PXT1: variants seen among roughly 807,000 people sequenced by gnomAD.
PXT1 encodes the protein peroxisomal testis enriched protein 1.
A neutral mutation model predicts 11.0 loss-of-function variants in PXT1; 11 were observed. The observed-to-expected ratio is 1.00, with a 90% CI of 0.63 to 1.66. PXT1 has a LOEUF of 1.66. PXT1 is among the 40% of genes most tolerant of loss of function. The pLI, the probability that PXT1 is intolerant of heterozygous loss-of-function variation, is 0.00. For synonymous variants in PXT1, 43 were observed against 51.4 expected, an observed-to-expected ratio of 0.84 and a Z score of 0.70; for missense variants, 141 against 155.5, an observed-to-expected ratio of 0.91 and a Z score of 0.49.
intron 3 of PXT1, among the ~76,000 whole-genome samples, chr6:36,420,056 T>C (rs1410073377): frequency 1.3e-5 from 2 of 152,234 alleles, no homozygotes; most frequent in Non-Finnish European, 2.9e-5. Flanking sequence ...AGAAAATCTA[T>C]TTTTTAAGCA....
chr6:36,423,074 T>G (rs886504101), intron 3 of PXT1, among the ~76,000 whole-genome samples: 1 of 152,208 alleles, frequency 6.6e-6, no homozygotes, highest in African/African-American at 2.4e-5. Flanking sequence ...AATTATGTAT[T>G]TTCCCCCGAA....
At chr6:36,439,455 T>TA (rs903442918) in intron 1 of PXT1, among the ~76,000 whole-genome samples, 18 of 150,464 alleles carry the variant, frequency 1.2e-4, no homozygotes, top group African/African-American at 4.2e-4. Context: ...CTACTAAAAA[T>TA]AAAAAAAATT....
At chr6:36,420,574 T>C (rs1340907506) in intron 3 of PXT1, among the ~76,000 whole-genome samples, 2 of 152,132 alleles carry the variant, frequency 1.3e-5, no homozygotes, top group Non-Finnish European at 2.9e-5. Context: ...GAGTGAGAAC[T>C]GAGCAGATGG....
chr6:36,430,896 C>T (rs1261110132), intron 2 of PXT1, among the ~76,000 whole-genome samples: 1 of 152,144 alleles, frequency 6.6e-6, no homozygotes, highest in Non-Finnish European at 1.5e-5. Flanking sequence ...CTCACTGCAA[C>T]TTCCACCTCC....
chr6:36,427,994 G>T lies in PXT1; in HGVS notation c.-9-1903C>A, dbSNP rs141852252. On this transcript the variant is annotated intron_variant, in intron 2 of 4. Coordinates refer to ENST00000454782, the MANE Select transcript of PXT1 (RefSeq NM_152990.4). ...GGGGGATAGGGAGCTGAGAAATGAG[G>T]TGTTGTGGGTTTCTGGGCATTTTTA... Among the ~76,000 whole-genome samples the T allele has an allele frequency of 3.5e-3, 533 of 152,300 alleles. 1 individual carries two copies. Among genetic ancestry groups the T allele is most frequent in the African/African-American group, 0.012 (507 of 41,560 alleles).
intron 4 of PXT1, among the ~76,000 whole-genome samples, chr6:36,396,480 C>T (rs967234472): frequency 2.0e-5 from 3 of 152,246 alleles, no homozygotes; most frequent in Non-Finnish European, 4.4e-5. Flanking sequence ...AGAGCCTGCT[C>T]CAATCTCTGA....
At chr6:36,411,324 A>G (rs1170860304) in intron 3 of PXT1, among the ~76,000 whole-genome samples, 12 of 152,094 alleles carry the variant, frequency 7.9e-5, no homozygotes, top group African/African-American at 2.9e-4. Flanking sequence ...GGTGGTGCAC[A>G]CCTGTAATCC....
chr6:36,426,013 G>C lies in PXT1; in HGVS notation c.70C>G (p.His24Asp). The C allele has an allele frequency of 6.5e-7, 1 of 1,531,196 alleles. No individual in the cohort carries two copies. Among genetic ancestry groups the C allele is most frequent in the Non-Finnish European group, 8.7e-7 (1 of 1,143,670 alleles). 94.9% of individuals were successfully genotyped at this position (1,531,196 alleles called of 1,614,324 possible). ...TTTAACCACAGTGATTTGCAACAAT[G>C]TGTTACTTTGGGAGATGGATTGAGA... ...EVLNPSPKVT[H>D]CCKSLWLKYS... The change falls in exon 3 of 5, where the codon CAT becomes GAT. Residue 24 changes from histidine (H) to aspartate (D), a missense_variant. Transcript: ENST00000454782.
intron 3 of PXT1, among the ~76,000 whole-genome samples, chr6:36,425,159 G>A (rs1018522157): frequency 6.6e-6 from 1 of 152,114 alleles, no homozygotes; most frequent in Admixed American, 6.5e-5. Context: ...GGGGCATTTA[G>A]GAATCACACA....
chr6:36,432,063 T>C lies in PXT1; in HGVS notation c.-9-5972A>G, dbSNP rs112249157. ...TCCAGCCTGGGCCACAGCGCAAGACTCGTCTCAACAAATTAAAATATTTTT... is the reference window on the plus strand; with the variant it reads ...TCCAGCCTGGGCCACAGCGCAAGACCCGTCTCAACAAATTAAAATATTTTT... On this transcript the variant is annotated intron_variant, in intron 2 of 4. Transcript: ENST00000454782. Among the ~76,000 whole-genome samples, 928 of 152,190 alleles carry C rather than the reference T, an allele frequency of 6.1e-3. 13 individuals are homozygous for C. Among genetic ancestry groups the C allele is most frequent in the African/African-American group, 0.021 (857 of 41,524 alleles).
chr6:36,441,151 G>A (rs541136813), intron 1 of PXT1, among the ~76,000 whole-genome samples: 9 of 151,536 alleles, frequency 5.9e-5, no homozygotes, highest in Admixed American at 1.3e-4. Flanking sequence ...ACAAATCTAC[G>A]GGAAGGAATC....
chr6:36,429,549 A>G (rs1187546770), intron 2 of PXT1, among the ~76,000 whole-genome samples: 2 of 117,612 alleles, frequency 1.7e-5, no homozygotes, highest in Non-Finnish European at 3.2e-5. Flanking sequence ...CCTTTTACCC[A>G]GGCTGGAGTG....
chr6:36,396,300 C>A (rs996974700), intron 4 of PXT1, among the ~76,000 whole-genome samples: 3 of 152,198 alleles, frequency 2.0e-5, no homozygotes, highest in Non-Finnish European at 4.4e-5. Flanking sequence ...GAGCCCAGCC[C>A]CTTCTGAGTT....
At chr6:36,404,470 T>A (rs1774258954) in intron 3 of PXT1, among the ~76,000 whole-genome samples, 1 of 152,152 alleles carries the variant, frequency 6.6e-6, no homozygotes, top group Non-Finnish European at 1.5e-5. Flanking sequence ...CACAGGTGCA[T>A]GCCACCATGC....
At chr6:36,416,347 C>T (rs746950695) in intron 3 of PXT1, among the ~76,000 whole-genome samples, 1 of 152,004 alleles carries the variant, frequency 6.6e-6, no homozygotes, top group Non-Finnish European at 1.5e-5. Flanking sequence ...AGACCCAGAC[C>T]CTATCTCTAA....
At chr6:36,421,789 G>A (rs1480756518) in intron 3 of PXT1, among the ~76,000 whole-genome samples, 5 of 152,150 alleles carry the variant, frequency 3.3e-5, no homozygotes, top group Admixed American at 6.5e-5. Context: ...AAACTTTTTA[G>A]ACTGGTTTTC....
At chr6:36,429,070 C>T (rs1582270373) in intron 2 of PXT1, among the ~76,000 whole-genome samples, 1 of 151,396 alleles carries the variant, frequency 6.6e-6, no homozygotes, top group African/African-American at 2.4e-5. Flanking sequence ...AGTTTGAGAA[C>T]AGCCTGGGCA....
intron 2 of PXT1, among the ~76,000 whole-genome samples, chr6:36,437,440 A>G (rs1384924485): frequency 6.6e-6 from 1 of 152,142 alleles, no homozygotes. Flanking sequence ...CATGTAGGCA[A>G]AAAATCCAGT....
intron 3 of PXT1, among the ~76,000 whole-genome samples, chr6:36,424,436 TCAAGA>T: frequency 6.8e-6 from 1 of 146,688 alleles, no homozygotes; most frequent in East Asian, 2.1e-4. Context: ...GGTCAGGAGA[TCAAGA>T]CCATCCTGGC....
Sources: gnomAD v4.1 joint callset for allele counts (sites outside exome capture counted in the v4.1 genomes callset) on GRCh38, gnomAD v4.1.1 for gene constraint, MANE v1.5 for transcripts, NCBI Gene and HGNC (gene_info 2026-07-23, HGNC 2026-07-21) for gene names.